Variants in ADGRB3 observed in about 807,000 individuals in gnomAD.
ADGRB3 encodes the protein adhesion G protein-coupled receptor B3.
A neutral mutation model predicts 193.4 loss-of-function variants in ADGRB3; 37 were observed. That is an observed-to-expected ratio of 0.19 (90% CI 0.15 to 0.25). The LOEUF (loss-of-function observed/expected upper bound fraction) is 0.25. Ranked by LOEUF, ADGRB3 falls within the 10% of genes least tolerant of loss-of-function variation. The probability of loss-of-function intolerance (pLI) is 1.00; values close to 1 mark genes in which losing one functional copy is unlikely to be tolerated. For synonymous variants in ADGRB3, 690 were observed against 644.2 expected (o/e 1.07, Z -1.08); for missense variants, 1,637 against 1,852.9 (o/e 0.88, Z 2.14).
At chr6:69,349,468 T>C (rs1272116714) in intron 26 of ADGRB3, among the ~76,000 whole-genome samples, 2 of 141,222 alleles carry the variant, frequency 1.4e-5, no homozygotes, top group African/African-American at 4.9e-5. Context: ...TCACTTTTTG[T>C]TTATTGACTT....
intron 16 of ADGRB3, among the ~76,000 whole-genome samples, chr6:69,074,811 C>T (rs1040019077): frequency 1.3e-5 from 2 of 152,100 alleles, no homozygotes; most frequent in Non-Finnish European, 1.5e-5. Flanking sequence ...TCCCAAAGTG[C>T]TGGGATTACA....
At chr6:68,794,092 T>A (rs1767162204) in intron 3 of ADGRB3, among the ~76,000 whole-genome samples, 1 of 152,162 alleles carries the variant, frequency 6.6e-6, no homozygotes, top group Non-Finnish European at 1.5e-5. Context: ...AAGCAGTATT[T>A]CAGCTCAAAT....
chr6:69,138,839 AG>A, intron 17 of ADGRB3, among the ~76,000 whole-genome samples: 1 of 152,358 alleles, frequency 6.6e-6, no homozygotes, highest in East Asian at 1.9e-4. Flanking sequence ...AGGGAAGCAA[AG>A]GTTATAAAAG....
intron 17 of ADGRB3, among the ~76,000 whole-genome samples, chr6:69,141,635 G>A (rs1259433146): frequency 6.6e-6 from 1 of 152,072 alleles, no homozygotes; most frequent in Admixed American, 6.6e-5. Flanking sequence ...AGGAAGCCAA[G>A]TAGAAGGGGG....
intron 16 of ADGRB3, among the ~76,000 whole-genome samples, chr6:69,073,787 G>A (rs1772148249): frequency 6.6e-6 from 1 of 152,100 alleles, no homozygotes; most frequent in Non-Finnish European, 1.5e-5. Flanking sequence ...GGACGTTAGT[G>A]GGCAGGTGAA....
intron 31 of ADGRB3, among the ~76,000 whole-genome samples, chr6:69,387,194 T>C (rs1770092577): frequency 6.6e-6 from 1 of 152,100 alleles, no homozygotes; most frequent in Non-Finnish European, 1.5e-5. Flanking sequence ...TGTATCAGGC[T>C]TTAAATCTTG....
intron 3 of ADGRB3, among the ~76,000 whole-genome samples, chr6:68,682,814 G>C (rs1764918849): frequency 6.8e-6 from 1 of 146,312 alleles, no homozygotes; most frequent in African/African-American, 2.5e-5. Context: ...TCTCCCTCTT[G>C]ACGCCCAGGC....
chr6:68,871,164 A>G (rs1214717036), intron 3 of ADGRB3, among the ~76,000 whole-genome samples: 1 of 152,250 alleles, frequency 6.6e-6, no homozygotes, highest in Non-Finnish European at 1.5e-5. Flanking sequence ...TTTTATTCTT[A>G]TGAACAACTT....
chr6:69,242,796 C>T (rs1766412816), intron 20 of ADGRB3, among the ~76,000 whole-genome samples: 1 of 151,784 alleles, frequency 6.6e-6, no homozygotes, highest in African/African-American at 2.4e-5. Context: ...TGATATTTCC[C>T]TTTTATCTCT....
At chr6:69,100,011 C>T (rs1220961224) in intron 17 of ADGRB3, among the ~76,000 whole-genome samples, 1 of 152,152 alleles carries the variant, frequency 6.6e-6, no homozygotes, top group Non-Finnish European at 1.5e-5. Context: ...GTTTTGGACT[C>T]TATTTTGCAA....
intron 10 of ADGRB3, among the ~76,000 whole-genome samples, chr6:68,992,202 T>G (rs1335832083): frequency 6.6e-6 from 1 of 152,114 alleles, no homozygotes; most frequent in Non-Finnish European, 1.5e-5. Flanking sequence ...GAACAAGAAC[T>G]AAATATGAGT....
chr6:68,797,388 G>T (rs565569759), intron 3 of ADGRB3, among the ~76,000 whole-genome samples: 1 of 151,832 alleles, frequency 6.6e-6, no homozygotes, highest in Non-Finnish European at 1.5e-5. Context: ...AATGGAGACA[G>T]GATAAGGCAT....
intron 17 of ADGRB3, among the ~76,000 whole-genome samples, chr6:69,169,893 GC>G (rs1365621201): frequency 6.6e-6 from 1 of 152,064 alleles, no homozygotes; most frequent in African/African-American, 2.4e-5. Flanking sequence ...AGTCTTAACA[GC>G]TTTGAGGTCC....
rs761839897 is a variant in ADGRB3, at chr6:69,372,465, G to A, written c.4275+24G>A. Reference sequence around the variant, plus strand: ...AGGTAAGTTTATATGAATTATTTTAGAATTGTAATTACTTGAATTCAAAAT... The same window carrying A: ...AGGTAAGTTTATATGAATTATTTTAAAATTGTAATTACTTGAATTCAAAAT... On this transcript the variant is annotated intron_variant, in intron 30 of 31. Coordinates refer to ENST00000370598, the MANE Select transcript of ADGRB3 (RefSeq NM_001704.3). The A allele has an allele frequency of 5.6e-6, 7 of 1,243,622 alleles. No individual in the cohort carries two copies. In the East Asian group the frequency reaches 1.9e-4, roughly 33 times the overall value. The allele number at this position is 1,243,622 out of a possible 1,614,324, so 77.0% of individuals were successfully genotyped here.
chr6:69,129,914 CA>C lies in ADGRB3; in HGVS notation c.2480+53877del, dbSNP rs540741768. ...TCTGTTTCATTACCTTTTCCCTTTC[CA>C]GTAAATAACCTACACTAATTGTTTA... On this transcript the variant is annotated intron_variant, in intron 17 of 31. Coordinates refer to ENST00000370598, the MANE Select transcript of ADGRB3 (RefSeq NM_001704.3). 2.2e-4 allele frequency among the ~76,000 whole-genome samples: 33 copies of C among 152,178 alleles called. 1 individual carries two copies. The highest frequency in any genetic ancestry group is 3.4e-4 in the Non-Finnish European group (23 of 67,982).
At chr6:68,845,192 A>G (rs1465573254) in intron 3 of ADGRB3, among the ~76,000 whole-genome samples, 1 of 152,214 alleles carries the variant, frequency 6.6e-6, no homozygotes, top group Non-Finnish European at 1.5e-5. Flanking sequence ...TATACACTGT[A>G]TGCCTGTATC....
intron 17 of ADGRB3, among the ~76,000 whole-genome samples, chr6:69,172,146 C>G (rs890312869): frequency 6.6e-6 from 1 of 152,128 alleles, no homozygotes; most frequent in Non-Finnish European, 1.5e-5. Flanking sequence ...GCTTTGACCA[C>G]CTATCCCCCA....
In ADGRB3 at chr6:69,375,533, A is replaced by G. The variant is rs145171917; in HGVS notation, c.4275+3092A>G. ...GCTAGTACCAGTAACAGAACCAGGGAAATCAAGAAGATATCTAGTCAGGGT... is the reference window on the plus strand; with the variant it reads ...GCTAGTACCAGTAACAGAACCAGGGGAATCAAGAAGATATCTAGTCAGGGT... On this transcript the variant is annotated intron_variant, in intron 30 of 31. Coordinates refer to ENST00000370598, the MANE Select transcript of ADGRB3 (RefSeq NM_001704.3). Among the ~76,000 whole-genome samples, 416 of 152,204 alleles carry G rather than the reference A, an allele frequency of 2.7e-3. 2 individuals carry two copies. Among genetic ancestry groups the G allele is most frequent in the East Asian group, 0.016 (82 of 5,160 alleles).
intron 3 of ADGRB3, among the ~76,000 whole-genome samples, chr6:68,733,101 C>A (rs546305682): frequency 1.6e-4 from 25 of 151,704 alleles, no homozygotes; most frequent in African/African-American, 6.0e-4. Context: ...TACTGTTCCA[C>A]CTGGCAATTC....
Sources: gnomAD v4.1 joint callset for allele counts (sites outside exome capture counted in the v4.1 genomes callset) on GRCh38, gnomAD v4.1.1 for gene constraint, MANE v1.5 for transcripts, NCBI Gene and HGNC (gene_info 2026-07-23, HGNC 2026-07-21) for gene names.